KCNH5: variants seen among roughly 807,000 people sequenced by gnomAD.
KCNH5 encodes the protein potassium voltage-gated channel subfamily H member 5.
A neutral mutation model predicts 96.1 loss-of-function variants in KCNH5; 46 were observed. The observed-to-expected ratio is 0.48, with a 90% confidence interval of 0.38 to 0.61. The LOEUF is 0.61. Among genes scored for constraint, KCNH5 ranks in the 20% least tolerant of loss-of-function variants. The pLI, the probability that KCNH5 is intolerant of heterozygous loss-of-function variation, is 0.00. For synonymous variants in KCNH5, 439 were observed against 449.8 expected (o/e 0.98, Z 0.30); for missense variants, 907 against 1,225.8 (o/e 0.74, Z 3.88).
intron 8 of KCNH5, among the ~76,000 whole-genome samples, chr14:62,844,470 C>T (rs1887650921): frequency 6.6e-6 from 1 of 152,150 alleles, no homozygotes; most frequent in African/African-American, 2.4e-5. Flanking sequence ...ATTTGTTGAG[C>T]TTCAACCATC....
chr14:62,813,297 G>T (rs984259127), intron 8 of KCNH5, among the ~76,000 whole-genome samples: 10 of 152,144 alleles, frequency 6.6e-5, no homozygotes, highest in African/African-American at 2.4e-4. Flanking sequence ...GGCAGAATCT[G>T]GGAGATCTTT....
At chr14:62,831,724 T>A (rs1476532246) in intron 8 of KCNH5, among the ~76,000 whole-genome samples, 1 of 152,228 alleles carries the variant, frequency 6.6e-6, no homozygotes, top group Non-Finnish European at 1.5e-5. Flanking sequence ...TTATTTATTT[T>A]TTGAGATACA....
At chr14:63,030,293 C>A (rs184526968) in intron 1 of KCNH5, among the ~76,000 whole-genome samples, 1 of 152,314 alleles carries the variant, frequency 6.6e-6, no homozygotes, top group East Asian at 1.9e-4. Context: ...AGGGCATTAT[C>A]CCCACCAGGA....
chr14:62,912,018 A>T (rs1435918195), intron 7 of KCNH5, among the ~76,000 whole-genome samples: 6 of 143,846 alleles, frequency 4.2e-5, no homozygotes, highest in Non-Finnish European at 9.0e-5. Context: ...AGCCTGGGTG[A>T]CAGAGCGAGA....
chr14:63,021,894 A>G (rs1212477707), intron 1 of KCNH5, among the ~76,000 whole-genome samples: 2 of 152,190 alleles, frequency 1.3e-5, no homozygotes, highest in African/African-American at 4.8e-5. Flanking sequence ...TTCTTTACCA[A>G]TAAGTATACA....
chr14:62,739,313 C>T (rs1040765501), intron 10 of KCNH5, among the ~76,000 whole-genome samples: 2 of 152,146 alleles, frequency 1.3e-5, no homozygotes, highest in Non-Finnish European at 2.9e-5. Context: ...TAAAAGGACC[C>T]ATTGTCCAAT....
intron 8 of KCNH5, among the ~76,000 whole-genome samples, chr14:62,841,766 G>A (rs191343400): frequency 1.3e-5 from 2 of 152,354 alleles, no homozygotes; most frequent in Admixed American, 1.3e-4. Context: ...CACCATGTGG[G>A]CATTTTTCAC....
intron 10 of KCNH5, among the ~76,000 whole-genome samples, chr14:62,713,067 G>A (rs1054593135): frequency 2.6e-5 from 4 of 152,126 alleles, no homozygotes; most frequent in Non-Finnish European, 5.9e-5. Context: ...AGGGATTTCT[G>A]TCTGCTTTGC....
intron 6 of KCNH5, among the ~76,000 whole-genome samples, chr14:62,957,756 C>T (rs769145893): frequency 3.3e-5 from 5 of 152,294 alleles, no homozygotes; most frequent in East Asian, 1.9e-4. Context: ...GGATGAGAGA[C>T]CACAGAAGCA....
chr14:62,800,436 G>C (rs1886637730), intron 9 of KCNH5, among the ~76,000 whole-genome samples: 1 of 152,160 alleles, frequency 6.6e-6, no homozygotes, highest in Non-Finnish European at 1.5e-5. Context: ...CATTTGAGCA[G>C]ACCCAGGCTA....
chr14:62,759,916 A>G (rs928990706), intron 10 of KCNH5, among the ~76,000 whole-genome samples: 1 of 152,110 alleles, frequency 6.6e-6, no homozygotes, highest in Non-Finnish European at 1.5e-5. Flanking sequence ...AACGGCGGGG[A>G]TAGGCCCATG....
chr14:62,870,109 C>A lies in KCNH5; in HGVS notation c.1370-20257G>T, dbSNP rs181943004. Among the ~76,000 whole-genome samples, 20 of 149,262 alleles carry A rather than the reference C, an allele frequency of 1.3e-4. No individual in the cohort carries two copies. In the East Asian group the frequency reaches 3.7e-3, roughly 27 times the overall value. ...GACCTTTTAGGAAGTAAGTAAATTTCTTTTCTTTATAAGTCTCCCAACAAG... is the reference window on the plus strand; with the variant it reads ...GACCTTTTAGGAAGTAAGTAAATTTATTTTCTTTATAAGTCTCCCAACAAG... On this transcript the variant is annotated intron_variant, in intron 7 of 10. Transcript: ENST00000322893.
At chr14:62,712,394 C>T in intron 10 of KCNH5, 2 of 450,836 alleles carry the variant, frequency 4.4e-6, no homozygotes, top group South Asian at 3.7e-5. Context: ...GGAATGAGAA[C>T]ATTTTACGAG....
intron 7 of KCNH5, among the ~76,000 whole-genome samples, chr14:62,872,838 A>G (rs1888284041): frequency 6.6e-6 from 1 of 152,132 alleles, no homozygotes; most frequent in Non-Finnish European, 1.5e-5. Context: ...AGGACCTTGG[A>G]GTATGGTGAG....
chr14:62,959,198 C>T (rs1478972420), intron 6 of KCNH5, among the ~76,000 whole-genome samples: 1 of 152,102 alleles, frequency 6.6e-6, no homozygotes, highest in East Asian at 1.9e-4. Context: ...TTACCCACAA[C>T]TCGGCTAGAG....
At chr14:62,911,474 A>G (rs12433909) in intron 7 of KCNH5, among the ~76,000 whole-genome samples, 42,480 of 151,702 alleles carry the variant, frequency 0.28, 7,454 homozygotes, top group South Asian at 0.59. Context: ...ACTTGATGAG[A>G]TAATTCTGAA....
intron 8 of KCNH5, among the ~76,000 whole-genome samples, chr14:62,832,674 A>C (rs1178054336): frequency 6.6e-6 from 1 of 152,050 alleles, no homozygotes; most frequent in African/African-American, 2.4e-5. Flanking sequence ...TTTTTGAAGA[A>C]ACTCCGTCCT....
chr14:62,860,064 C>A (rs1220194921), intron 7 of KCNH5, among the ~76,000 whole-genome samples: 1 of 152,192 alleles, frequency 6.6e-6, no homozygotes, highest in Non-Finnish European at 1.5e-5. Context: ...CACTTTATGA[C>A]TGGATAGGTC....
chr14:62,778,849 G>T (rs372171699), intron 10 of KCNH5, among the ~76,000 whole-genome samples: 3 of 152,254 alleles, frequency 2.0e-5, no homozygotes, highest in Admixed American at 1.3e-4. Context: ...ACCCTAAGTA[G>T]GAATTACATT....
Sources: allele counts gnomAD v4.1 joint callset (sites outside exome capture counted in the v4.1 genomes callset), GRCh38; gene constraint gnomAD v4.1.1; transcripts MANE v1.5; gene names NCBI Gene and HGNC (gene_info 2026-07-23, HGNC 2026-07-21).